CHAT: variants seen among roughly 807,000 people sequenced by gnomAD.
CHAT encodes acetyl CoA:choline O-acetyltransferase.
A neutral mutation model predicts 76.9 loss-of-function variants in CHAT; 61 were observed. The observed-to-expected ratio is 0.79, with a 90% CI of 0.65 to 0.98. The LOEUF (loss-of-function observed/expected upper bound fraction) is 0.98, where lower values mean the gene tolerates loss of function less well. CHAT is among the 50% of genes least tolerant of loss of function. The pLI is 0.00. For missense variants in CHAT, 946 were observed against 986.9 expected, an observed-to-expected ratio of 0.96 and a Z score of 0.56; for synonymous variants, 407 against 397.4, an observed-to-expected ratio of 1.02 and a Z score of -0.29.
chr10:49,647,439 G>A (rs926404637), intron 8 of CHAT, among the ~76,000 whole-genome samples: 11 of 152,184 alleles, frequency 7.2e-5, no homozygotes, highest in African/African-American at 2.7e-4. Context: ...GTATAAAACA[G>A]CAGGCAAAAA....
intron 2 of CHAT, among the ~76,000 whole-genome samples, chr10:49,618,476 G>A (rs1377476372): frequency 6.6e-6 from 1 of 152,160 alleles, no homozygotes; most frequent in Non-Finnish European, 1.5e-5. Context: ...CCAAGTGAGG[G>A]ACAAGAAGAG....
intron 1 of CHAT, 75 bp downstream of exon 1, chr10:49,614,550 G>A: frequency 7.4e-7 from 1 of 1,358,248 alleles, no homozygotes; most frequent in Non-Finnish European, 1.0e-6. Context: ...GCTCTATCCA[G>A]GGACAGCACC....
At position 49,651,902 on chromosome 10, in the gene CHAT, C is replaced by T. The variant is rs558298529; in HGVS notation, c.1530C>T (p.Asp510=). ...TCCTCAGAATAGTAAAGAACCTTGA[C>T]TTCATTGTCTATAAGTTTGACAACT... ...EKLQRIVKNL[D]FIVYKFDNYG... The change falls in exon 11 of 15, where the codon GAC becomes GAT. Residue 510 remains aspartate, a synonymous_variant. Coordinates refer to ENST00000337653, the MANE Select transcript of CHAT (RefSeq NM_020549.5). The T allele has an allele frequency of 2.2e-5, 36 of 1,613,974 alleles. No individual in the cohort carries two copies. Among genetic ancestry groups the T allele is most frequent in the Non-Finnish European group, 3.0e-5 (35 of 1,179,850 alleles).
At chr10:49,617,557 A>C (rs1039487044) in intron 2 of CHAT, among the ~76,000 whole-genome samples, 1 of 152,162 alleles carries the variant, frequency 6.6e-6, no homozygotes, top group African/African-American at 2.4e-5. Flanking sequence ...TTCCTGCTTT[A>C]TTCCTTTTTA....
In CHAT at chr10:49,667,602, C is replaced by G. The variant is rs79969163; in HGVS notation, c.*2556C>G. On this transcript the variant is annotated 3_prime_UTR_variant, in exon 15 of 15. Coordinates refer to ENST00000337653, the MANE Select transcript of CHAT (RefSeq NM_020549.5). ...AACACTGAGCCATGGCCAAGGGCAT[C>G]TCTGCGGGGACCCTGGGAAAGGAGC... Among the ~76,000 whole-genome samples the G allele has an allele frequency of 8.7e-3, 1,325 of 152,316 alleles. 24 individuals carry two copies. The highest frequency in any genetic ancestry group is 0.031 in the African/African-American group (1,282 of 41,566).
chr10:49,656,933 G>A (rs1840053375), intron 13 of CHAT, among the ~76,000 whole-genome samples: 1 of 152,126 alleles, frequency 6.6e-6, no homozygotes, highest in Non-Finnish European at 1.5e-5. Flanking sequence ...ACTGCACACA[G>A]GGTTACTGTC....
chr10:49,610,760 C>T, upstream of CHAT: 2 of 1,537,190 alleles, frequency 1.3e-6, no homozygotes, highest in Non-Finnish European at 1.7e-6. Context: ...GCGGAACCTG[C>T]GGGCCAGGCC....
upstream of CHAT, among the ~76,000 whole-genome samples, chr10:49,609,772 G>C (rs948260106): frequency 4.6e-5 from 7 of 152,166 alleles, no homozygotes; most frequent in African/African-American, 1.7e-4. Flanking sequence ...GTCGGAGAAA[G>C]GGTTGGGGGT....
At chr10:49,642,611 C>A (rs1159421364) in intron 7 of CHAT, among the ~76,000 whole-genome samples, 2 of 152,252 alleles carry the variant, frequency 1.3e-5, no homozygotes, top group Non-Finnish European at 2.9e-5. Context: ...GGCCTCCACT[C>A]TCCTGCCTCG....
intron 4 of CHAT, among the ~76,000 whole-genome samples, 183 bp from the exon 5 acceptor site, chr10:49,621,914 G>A (rs1838725123): frequency 1.2e-4 from 1 of 8,556 alleles, no homozygotes; most frequent in East Asian, 2.8e-3. Context: ...ACACGGGGGC[G>A]GCATACAATG....
Position 49,646,569 on chromosome 10 carries a change from G to A in CHAT, c.1176G>A (p.Ala392=), listed in dbSNP as rs200321426. The change falls in exon 8 of 15, where the codon GCG becomes GCA. Residue 392 remains alanine (A), a synonymous_variant. Transcript: ENST00000337653. ...GCATCTGCCTTGTATGCCTGGACGC[G>A]CCAGGAGGCGTGGAGCTCAGCGACA... ...ERCICLVCLD[A]PGGVELSDTH... 1.7e-5 allele frequency: 28 copies of A among 1,614,100 alleles called. No homozygotes were observed. Among genetic ancestry groups the A allele is most frequent in the African/African-American group, 2.7e-5 (2 of 74,930 alleles).
intron 7 of CHAT, among the ~76,000 whole-genome samples, chr10:49,630,131 T>C (rs1590581122): frequency 6.6e-6 from 1 of 152,008 alleles, no homozygotes; most frequent in African/African-American, 2.4e-5. Context: ...GCTTAATATA[T>C]ATGTTTGGAG....
chr10:49,619,122 G>A (rs1838605269), intron 2 of CHAT, among the ~76,000 whole-genome samples: 2 of 152,128 alleles, frequency 1.3e-5, no homozygotes, highest in Admixed American at 6.5e-5. Flanking sequence ...AGTCATTAGG[G>A]CAGCACTGAA....
chr10:49,644,149 G>A (rs1839581635), intron 7 of CHAT, among the ~76,000 whole-genome samples: 1 of 152,224 alleles, frequency 6.6e-6, no homozygotes, highest in Non-Finnish European at 1.5e-5. Context: ...GCCAGAGGAT[G>A]AGGGAGCTCA....
intron 3 of CHAT, 31 bp downstream of exon 3, chr10:49,619,947 G>T: frequency 1.3e-6 from 2 of 1,592,960 alleles, no homozygotes; most frequent in South Asian, 1.1e-5. Context: ...ACCCATAGAA[G>T]AGGGGCGGGA....
At chr10:49,634,253 T>C (rs2132757024) in intron 7 of CHAT, among the ~76,000 whole-genome samples, 1 of 152,342 alleles carries the variant, frequency 6.6e-6, no homozygotes, top group East Asian at 1.9e-4. Context: ...GGGCCTGGGC[T>C]TCCTAGTCTA....
At chr10:49,621,937 G>A (rs1838726138) in intron 4 of CHAT, among the ~76,000 whole-genome samples, 160 bp from the exon 5 acceptor site, 1 of 152,086 alleles carries the variant, frequency 6.6e-6, no homozygotes, top group Non-Finnish European at 1.5e-5. Context: ...CGATCACAGA[G>A]TTTGGCAGTG....
chr10:49,610,587 C>T, upstream of CHAT: 1 of 652,738 alleles, frequency 1.5e-6, no homozygotes, highest in East Asian at 3.2e-5. Context: ...TTTCCCGGGA[C>T]GCTGGGCCAT....
chr10:49,650,490 A>G (rs1839841275), intron 10 of CHAT, among the ~76,000 whole-genome samples: 1 of 152,188 alleles, frequency 6.6e-6, no homozygotes, highest in South Asian at 2.1e-4. Flanking sequence ...TTCATGGTGC[A>G]AGCAGATGGG....
Sources: gnomAD v4.1 joint callset for allele counts (sites outside exome capture counted in the v4.1 genomes callset) on GRCh38, gnomAD v4.1.1 for gene constraint, MANE v1.5 for transcripts, NCBI Gene and HGNC (gene_info 2026-07-23, HGNC 2026-07-21) for gene names.